Variants in CBLN3 observed in about 807,000 individuals in gnomAD.
The protein encoded by CBLN3 is cerebellin 3 precursor.
CBLN3 carries 14 observed loss-of-function variants against 17.4 expected under a neutral mutation model. The ratio of observed to expected loss-of-function variants is 0.81; its 90% CI spans 0.53 to 1.26. The LOEUF is 1.26. CBLN3 is among the 50% of genes most tolerant of loss of function. The probability of loss-of-function intolerance (pLI) is 0.00; values close to 1 mark genes in which losing one functional copy is unlikely to be tolerated. For synonymous variants in CBLN3, 129 were observed against 117.4 expected (o/e 1.10, Z -0.64); for missense variants, 263 against 268.5 (o/e 0.98, Z 0.14).
Position 24,427,607 on chromosome 14 carries a change from G to C in CBLN3, c.*182C>G. The stretch of plus-strand genomic sequence containing the variant: ...TGGGGGTGGGTGGGTGGAAAGGCCT[G>C]GTCTGGAGATGCCACAGCTCTACTC... On this transcript the variant is annotated 3_prime_UTR_variant, in exon 3 of 3. Coordinates refer to ENST00000267406, the MANE Select transcript of CBLN3 (RefSeq NM_001039771.3). The surrounding 1 kb of genome is among the most constrained non-coding windows in gnomAD (Gnocchi z 4.4). 1 of 645,480 alleles carries C rather than the reference G, an allele frequency of 1.5e-6. No individual in the cohort carries two copies. The highest frequency in any genetic ancestry group is 2.7e-6 in the Non-Finnish European group (1 of 367,700). The allele number at this position is 645,480 out of a possible 1,614,324, so 40.0% of individuals were successfully genotyped here. A position where few individuals can be genotyped will look rare whatever the true frequency, so the allele number is the denominator to read the frequency against.
chr14:24,427,494 G>T lies in CBLN3; in HGVS notation c.*295C>A, dbSNP rs113791311. The T allele has an allele frequency of 1.5e-5, 6 of 392,274 alleles. No homozygotes were observed. Among genetic ancestry groups the T allele is most frequent in the South Asian group, 1.3e-4 (5 of 39,948 alleles). The allele number at this position is 392,274 out of a possible 1,614,324, so 24.3% of individuals were successfully genotyped here. On this transcript the variant is annotated 3_prime_UTR_variant, in exon 3 of 3. Coordinates refer to ENST00000267406, the MANE Select transcript of CBLN3 (RefSeq NM_001039771.3). The surrounding 1 kb of genome is among the most constrained non-coding windows in gnomAD (Gnocchi z 4.4). ...GAACCGGAGGAGCAGAGGCCGCAAA[G>T]TAGTGCAGATCTTCCTTCTTGCCAA...
Position 24,429,552 on chromosome 14 carries a change from G to C in CBLN3, c.-498C>G. 1.1e-5 allele frequency: 5 copies of C among 466,198 alleles called. No individual in the cohort carries two copies. The highest frequency in any genetic ancestry group is 1.9e-5 in the Non-Finnish European group (5 of 264,214). 28.9% of individuals were successfully genotyped at this position (466,198 alleles called of 1,614,324 possible). A position where few individuals can be genotyped will look rare whatever the true frequency, so the allele number is the denominator to read the frequency against. On this transcript the variant is annotated 5_prime_UTR_variant, in exon 1 of 3. Transcript: ENST00000267406. ...TCTTCGTGGCATCTTTCCGTTTGTT[G>C]GAAGAAAGGGGTACTCCACCACGGG...
chr14:24,429,527 T>G lies in CBLN3; in HGVS notation c.-473A>C. On this transcript the variant is annotated 5_prime_UTR_variant, in exon 1 of 3. Transcript: ENST00000267406. ...AAATCCCCCACAAATCAACAGCCCT[T>G]CTTCGTGGCATCTTTCCGTTTGTTG... 4.4e-6 allele frequency: 2 copies of G among 451,376 alleles called. No homozygotes were observed. The highest frequency in any genetic ancestry group is 3.4e-5 in the South Asian group (2 of 58,888). 28.0% of individuals were successfully genotyped at this position (451,376 alleles called of 1,614,324 possible).
rs182284136 is a variant in CBLN3, at chr14:24,427,111, T to A, written c.*678A>T. ...TCAGGTGGGGAGGTAAGGGCCAGAGTCCATCTGGGATCCAGCATAGAAGGA... is the reference window on the plus strand; with the variant it reads ...TCAGGTGGGGAGGTAAGGGCCAGAGACCATCTGGGATCCAGCATAGAAGGA... On this transcript the variant is annotated 3_prime_UTR_variant, in exon 3 of 3. Coordinates refer to ENST00000267406, the MANE Select transcript of CBLN3 (RefSeq NM_001039771.3). The surrounding 1 kb of genome is among the most constrained non-coding windows in gnomAD (Gnocchi z 4.4). The A allele has an allele frequency of 6.6e-6, 1 of 152,586 alleles. No homozygotes were observed. Among genetic ancestry groups the A allele is most frequent in the African/African-American group, 2.4e-5 (1 of 41,386 alleles). 9.5% of individuals were successfully genotyped at this position (152,586 alleles called of 1,614,324 possible).
Position 24,428,822 on chromosome 14 carries a change from C to T in CBLN3, c.233G>A (p.Arg78Gln), listed in dbSNP as rs772372835. ...PPGRVAFAAV[R>Q]SHHHEPAGET... ...CCCTGCTGGCTCATGGTGGTGGCTT[C>T]GGACCGCAGCAAATGCCACTCGCCC... The change falls in exon 1 of 3, where the codon CGA becomes CAA. Residue 78 changes from arginine (R) to glutamine (Q), a missense_variant. Physicochemically the swap from Arg to Gln is conservative, Grantham distance 43 (BLOSUM62 1). Transcript: ENST00000267406. The T allele has an allele frequency of 1.1e-5, 18 of 1,612,434 alleles. No individual in the cohort carries two copies. The highest frequency in any genetic ancestry group is 3.3e-5 in the South Asian group (3 of 90,954).
At position 24,429,575 on chromosome 14, in the gene CBLN3, G is replaced by A. The variant is rs1020527119; in HGVS notation, c.-521C>T. The A allele has an allele frequency of 1.7e-5, 10 of 584,392 alleles. No individual in the cohort carries two copies. The highest frequency in any genetic ancestry group is 5.2e-6 in the Non-Finnish European group (2 of 388,218). The allele number at this position is 584,392 out of a possible 1,614,324, so 36.2% of individuals were successfully genotyped here. A position where few individuals can be genotyped will look rare whatever the true frequency, so the allele number is the denominator to read the frequency against. On this transcript the variant is annotated 5_prime_UTR_variant, in exon 1 of 3. Transcript: ENST00000267406. ...TTGGAAGAAAGGGGTACTCCACCACGGGTACCCTCCGCCTCCCGCCTCCCG... is the reference window on the plus strand; with the variant it reads ...TTGGAAGAAAGGGGTACTCCACCACAGGTACCCTCCGCCTCCCGCCTCCCG...
At position 24,428,975 on chromosome 14, in the gene CBLN3, A is replaced by G; in HGVS notation, c.80T>C (p.Leu27Pro). ...GLPLVLVLLALGAGWAQEGSE... is the reference protein window; with the variant it reads ...GLPLVLVLLAPGAGWAQEGSE... The stretch of plus-strand genomic sequence containing the variant: ...CCCCTCCTGGGCCCACCCGGCCCCC[A>G]GGGCCAGAAGCACCAGAACCAAGGG... The change falls in exon 1 of 3, where the codon CTG becomes CCG. Residue 27 changes from leucine to proline, a missense_variant. Transcript: ENST00000267406. 1 of 1,550,816 alleles carries G rather than the reference A, an allele frequency of 6.4e-7. No individual in the cohort carries two copies. The highest frequency in any genetic ancestry group is 1.2e-5 in the South Asian group (1 of 84,112).
Position 24,428,799 on chromosome 14 carries a change from C to T in CBLN3, c.256G>A (p.Gly86Arg). Residue 86 changes from glycine (G) to arginine (R), a missense_variant, in exon 1 of 3, where the codon GGG (glycine) becomes AGG (arginine). Gly to Arg is a moderately radical substitution (Grantham distance 125, BLOSUM62 -2). Transcript: ENST00000267406. ...AVRSHHHEPAGETGNGTSGAI... is the reference protein window; with the variant it reads ...AVRSHHHEPARETGNGTSGAI... ...CCACTGGTGCCATTGCCGGTTTCCCCTGCTGGCTCATGGTGGTGGCTTCGG... is the reference window on the plus strand; with the variant it reads ...CCACTGGTGCCATTGCCGGTTTCCCTTGCTGGCTCATGGTGGTGGCTTCGG... 6.2e-7 allele frequency: 1 copy of T among 1,609,396 alleles called. No individual in the cohort carries two copies. The highest frequency in any genetic ancestry group is 8.5e-7 in the Non-Finnish European group (1 of 1,176,890).
At position 24,427,489 on chromosome 14, in the gene CBLN3, G is replaced by A. The variant is rs536466209; in HGVS notation, c.*300C>T. 6 of 358,382 alleles carry A rather than the reference G, an allele frequency of 1.7e-5. No homozygotes were observed. Among genetic ancestry groups the A allele is most frequent in the South Asian group, 2.8e-5 (1 of 35,750 alleles). 22.2% of individuals were successfully genotyped at this position (358,382 alleles called of 1,614,324 possible). ...TGGGGGAACCGGAGGAGCAGAGGCCGCAAAGTAGTGCAGATCTTCCTTCTT... is the reference window on the plus strand; with the variant it reads ...TGGGGGAACCGGAGGAGCAGAGGCCACAAAGTAGTGCAGATCTTCCTTCTT... On this transcript the variant is annotated 3_prime_UTR_variant, in exon 3 of 3. Transcript: ENST00000267406. This position sits in a 1 kb window ranked among gnomAD's most constrained non-coding sequence, Gnocchi z 4.4.
intron 2 of CBLN3, 50 bp from the exon 3 acceptor site, chr14:24,428,036 AC>A (rs772214814): frequency 3.1e-5 from 48 of 1,557,696 alleles, no homozygotes; most frequent in East Asian, 6.8e-5. Flanking sequence ...TTAGCTCAGG[AC>A]CCCCCACTTT....
Position 24,429,095 on chromosome 14 carries a change from G to A in CBLN3, c.-41C>T, listed in dbSNP as rs946100594. On this transcript the variant is annotated 5_prime_UTR_variant, in exon 1 of 3. The change creates a premature stop within an existing upstream ORF in the 5' untranslated region. Coordinates refer to ENST00000267406, the MANE Select transcript of CBLN3 (RefSeq NM_001039771.3). The stretch of plus-strand genomic sequence containing the variant: ...CAACCCACAAGTGCCCCGGTCTTCT[G>A]CCCCTCTTCTGTTTCCGCTCCTCTC... 3.4e-6 allele frequency: 5 copies of A among 1,460,628 alleles called. No homozygotes were observed. Among genetic ancestry groups the A allele is most frequent in the Non-Finnish European group, 4.5e-6 (5 of 1,102,722 alleles). The allele number at this position is 1,460,628 out of a possible 1,614,324, so 90.5% of individuals were successfully genotyped here. A position where few individuals can be genotyped will look rare whatever the true frequency, so the allele number is the denominator to read the frequency against.
chr14:24,429,423 G>A lies in CBLN3; in HGVS notation c.-369C>T, dbSNP rs1309010505. The A allele has an allele frequency of 7.5e-6, 4 of 536,804 alleles. No homozygotes were observed. The highest frequency in any genetic ancestry group is 4.5e-5 in the Admixed American group (2 of 44,796). 33.3% of individuals were successfully genotyped at this position (536,804 alleles called of 1,614,324 possible). A position where few individuals can be genotyped will look rare whatever the true frequency, so the allele number is the denominator to read the frequency against. The stretch of plus-strand genomic sequence containing the variant: ...GGAGAACATGGTATGTGTGTGTGAC[G>A]GGTGTGACAGAATGTGTGAGTGTGT... On this transcript the variant is annotated 5_prime_UTR_variant, in exon 1 of 3. Coordinates refer to ENST00000267406, the MANE Select transcript of CBLN3 (RefSeq NM_001039771.3).
At position 24,428,868 on chromosome 14, in the gene CBLN3, C is replaced by A; in HGVS notation, c.187G>T (p.Ala63Ser). 6.2e-7 allele frequency: 1 copy of A among 1,608,258 alleles called. No homozygotes were observed. The highest frequency in any genetic ancestry group is 8.5e-7 in the Non-Finnish European group (1 of 1,177,504). Residue 63 changes from alanine (A) to serine (S), a missense_variant, in exon 1 of 3, where the codon GCC becomes TCC. Ala to Ser is a moderately conservative substitution (Grantham distance 99). Coordinates refer to ENST00000267406, the MANE Select transcript of CBLN3 (RefSeq NM_001039771.3). ...RAAAGGPGGA[A>S]LGEAPPGRVA... ...CGCCCAGGGGGTGCCTCTCCCAGGG[C>A]TGCTCCCCCGGGCCCCCCTGCAGCA...
At position 24,428,345 on chromosome 14, in the gene CBLN3, G is replaced by A. The variant is rs368781428; in HGVS notation, c.361C>T (p.Arg121Trp). Residue 121 changes from arginine (R) to tryptophan (W), a missense_variant, in exon 2 of 3, where the codon CGG (arginine) becomes TGG (tryptophan). Transcript: ENST00000267406. ...RASGSFVAPV[R>W]GVYSFRFHVV... Reference sequence around the variant, plus strand: ...TGGAACCGGAAGCTGTAGACACCCCGGACAGGGGCTACGAAGGAGCCAGAG... The same window carrying A: ...TGGAACCGGAAGCTGTAGACACCCCAGACAGGGGCTACGAAGGAGCCAGAG... The A allele has an allele frequency of 1.4e-5, 23 of 1,613,834 alleles. No homozygotes were observed. The African/African-American group carries it at 1.6e-4, about 11-fold the overall frequency.
intron 2 of CBLN3, 95 bp from the exon 3 acceptor site, chr14:24,428,081 A>G (rs1174075820): frequency 2.1e-6 from 3 of 1,413,038 alleles, no homozygotes; most frequent in African/African-American, 1.4e-5. Flanking sequence ...CTGGGTTTTA[A>G]TGGGCTCTCC....
rs1038734869 is a variant in CBLN3, at chr14:24,429,422, C to T, written c.-368G>A. The T allele has an allele frequency of 1.1e-5, 6 of 539,298 alleles. No homozygotes were observed. Among genetic ancestry groups the T allele is most frequent in the East Asian group, 4.7e-5 (1 of 21,322 alleles). The allele number at this position is 539,298 out of a possible 1,614,324, so 33.4% of individuals were successfully genotyped here. On this transcript the variant is annotated 5_prime_UTR_variant, in exon 1 of 3. Transcript: ENST00000267406. ...TGGAGAACATGGTATGTGTGTGTGACGGGTGTGACAGAATGTGTGAGTGTG... is the reference window on the plus strand; with the variant it reads ...TGGAGAACATGGTATGTGTGTGTGATGGGTGTGACAGAATGTGTGAGTGTG...
Position 24,429,460 on chromosome 14 carries a change from A to G in CBLN3, c.-406T>C. 2.0e-6 allele frequency: 1 copy of G among 490,166 alleles called. No individual in the cohort carries two copies. Among genetic ancestry groups the G allele is most frequent in the Admixed American group, 2.3e-5 (1 of 43,316 alleles). The allele number at this position is 490,166 out of a possible 1,614,324, so 30.4% of individuals were successfully genotyped here. On this transcript the variant is annotated 5_prime_UTR_variant, in exon 1 of 3. Coordinates refer to ENST00000267406, the MANE Select transcript of CBLN3 (RefSeq NM_001039771.3). Reference sequence around the variant, plus strand: ...ATGTGTGAGTGTGTGCATATGCCAGAGGCAGCCCCTCAACCCCTTCCTCCT... The same window carrying G: ...ATGTGTGAGTGTGTGCATATGCCAGGGGCAGCCCCTCAACCCCTTCCTCCT...
intron 1 of CBLN3, 111 bp downstream of exon 1, chr14:24,428,644 G>T: frequency 7.7e-7 from 1 of 1,293,438 alleles, no homozygotes; most frequent in Non-Finnish European, 1.1e-6. Context: ...AGTGAAAGAT[G>T]TAGGAAGCTG....
chr14:24,429,025 T>C lies in CBLN3; in HGVS notation c.30A>G (p.Pro10=). The change falls in exon 1 of 3, where the codon CCA becomes CCG. Residue 10 remains proline (P), a synonymous_variant. Transcript: ENST00000267406. The part of the protein sequence containing the change: MLGAKPHWL[P]GPLHSPGLPL... Reference sequence around the variant, plus strand: ...GCAGCCCGGGACTGTGTAGGGGACCTGGTAGCCAGTGTGGCTTGGCTCCCA... The same window carrying C: ...GCAGCCCGGGACTGTGTAGGGGACCCGGTAGCCAGTGTGGCTTGGCTCCCA... 1 of 1,523,634 alleles carries C rather than the reference T, an allele frequency of 6.6e-7. No individual in the cohort carries two copies. The highest frequency in any genetic ancestry group is 8.8e-7 in the Non-Finnish European group (1 of 1,130,214). The allele number at this position is 1,523,634 out of a possible 1,614,324, so 94.4% of individuals were successfully genotyped here. A position where few individuals can be genotyped will look rare whatever the true frequency, so the allele number is the denominator to read the frequency against.
Sources: allele counts gnomAD v4.1 joint callset, GRCh38; gene constraint gnomAD v4.1.1; non-coding constraint Gnocchi (gnomAD v3.1); transcripts MANE v1.5; gene names NCBI Gene and HGNC (gene_info 2026-07-23, HGNC 2026-07-21).